Variants in WWP2 observed in about 807,000 individuals in gnomAD.
The protein encoded by WWP2 is WW domain containing E3 ubiquitin protein ligase 2, also known as NEDD4-like E3 ubiquitin-protein ligase WWP2.
A neutral mutation model predicts 121.0 loss-of-function variants in WWP2; 57 were observed. The observed-to-expected ratio is 0.47, with a 90% CI of 0.38 to 0.59. The LOEUF is 0.59. WWP2 is among the 20% of genes least tolerant of loss of function. The pLI is 0.00. For synonymous variants in WWP2, 449 were observed against 441.3 expected, an observed-to-expected ratio of 1.02 and a Z score of -0.22; for missense variants, 962 against 1,158.9, an observed-to-expected ratio of 0.83 and a Z score of 2.47.
intron 8 of WWP2, among the ~76,000 whole-genome samples, chr16:69,904,719 GTAAA>G (rs985404540): frequency 1.3e-5 from 2 of 152,052 alleles, no homozygotes; most frequent in Non-Finnish European, 2.9e-5. Flanking sequence ...TGCCCTTTTG[GTAAA>G]ATACTAAATG....
intron 4 of WWP2, among the ~76,000 whole-genome samples, chr16:69,819,746 A>G (rs189259023): frequency 6.6e-5 from 10 of 152,260 alleles, no homozygotes; most frequent in Non-Finnish European, 1.5e-4. Context: ...GGATTTTAAA[A>G]TGATTTTTAA....
At chr16:69,792,358 T>C (rs2055931151) in intron 2 of WWP2, among the ~76,000 whole-genome samples, 1 of 152,180 alleles carries the variant, frequency 6.6e-6, no homozygotes, top group Non-Finnish European at 1.5e-5. Context: ...GGTCCCTTCT[T>C]AAGAGCTTTT....
intron 1 of WWP2, among the ~76,000 whole-genome samples, chr16:69,778,265 C>G (rs762289415): frequency 6.7e-6 from 1 of 149,372 alleles, no homozygotes; most frequent in East Asian, 2.0e-4. Context: ...TTTCCCATCC[C>G]CCTCCCAATA....
At chr16:69,899,489 C>T (rs1031818386) in intron 8 of WWP2, among the ~76,000 whole-genome samples, 6 of 151,850 alleles carry the variant, frequency 4.0e-5, no homozygotes, top group South Asian at 2.1e-4. Context: ...CAGCACTTCG[C>T]GAGGCCGAGG....
intron 6 of WWP2, among the ~76,000 whole-genome samples, chr16:69,860,846 A>G (rs1430567954): frequency 6.6e-6 from 1 of 150,996 alleles, no homozygotes; most frequent in Non-Finnish European, 1.5e-5. Flanking sequence ...TAGTTAAAAA[A>G]AAAAAAAGGA....
chr16:69,931,081 G>A (rs2058703602), intron 13 of WWP2, 71 bp from the exon 14 acceptor site: 1 of 1,485,740 alleles, frequency 6.7e-7, no homozygotes, highest in Non-Finnish European at 9.4e-7. Context: ...GCTTTCCTTA[G>A]GGCTGACAAA....
At chr16:69,785,130 G>C (rs1400599095) in intron 1 of WWP2, among the ~76,000 whole-genome samples, 1 of 151,786 alleles carries the variant, frequency 6.6e-6, no homozygotes, top group East Asian at 1.9e-4. Context: ...CTACCCATGA[G>C]GCTGAGGCAC....
chr16:69,817,659 CTTT>C (rs200998762), intron 4 of WWP2, among the ~76,000 whole-genome samples: 3 of 119,952 alleles, frequency 2.5e-5, no homozygotes, highest in Non-Finnish European at 5.3e-5. Context: ...TTGTTAAACT[CTTT>C]TTTTTTTTTT....
chr16:69,931,608 G>A (rs1463293666), intron 15 of WWP2, 28 bp downstream of exon 15: 4 of 1,613,644 alleles, frequency 2.5e-6, no homozygotes, highest in African/African-American at 1.3e-5. Flanking sequence ...GAAACCAGTG[G>A]CAGGCCGACG....
chr16:69,932,458 C>T (rs1267643981), intron 16 of WWP2, among the ~76,000 whole-genome samples: 2 of 152,250 alleles, frequency 1.3e-5, no homozygotes, highest in Non-Finnish European at 2.9e-5. Context: ...CATGAGGCGA[C>T]GGAGGACTCC....
chr16:69,879,184 C>G (rs1161453752), intron 7 of WWP2, among the ~76,000 whole-genome samples: 1 of 151,990 alleles, frequency 6.6e-6, no homozygotes, highest in East Asian at 1.9e-4. Flanking sequence ...TTAGTATATT[C>G]TAGGTACAAT....
In WWP2 at chr16:69,933,327, G is replaced by A. The variant is rs1387516486; in HGVS notation, c.1683-643G>A. The A allele has an allele frequency of 5.6e-5, 20 of 355,416 alleles. 1 individual carries two copies. Among genetic ancestry groups the A allele is most frequent in the Non-Finnish European group, 2.2e-5 (4 of 177,960 alleles). 22.0% of individuals were successfully genotyped at this position (355,416 alleles called of 1,614,324 possible). On this transcript the variant is annotated intron_variant, in intron 16 of 23. Coordinates refer to ENST00000359154, the MANE Select transcript of WWP2 (RefSeq NM_001270454.2). ...TGAGGCTCGCACCCAGGGCACGGGT[G>A]TTGGTTCAGATGAATGCGTGGAAGT...
chr16:69,794,812 C>T (rs1486354734), intron 2 of WWP2, among the ~76,000 whole-genome samples: 1 of 152,056 alleles, frequency 6.6e-6, no homozygotes, highest in Non-Finnish European at 1.5e-5. Context: ...AAATCATTGC[C>T]ATGGAAAAGA....
At chr16:69,900,945 G>C (rs1040858649) in intron 8 of WWP2, among the ~76,000 whole-genome samples, 2 of 152,112 alleles carry the variant, frequency 1.3e-5, no homozygotes, top group Admixed American at 1.3e-4. Flanking sequence ...TAAAGTGCTG[G>C]TTGTTGAGTT....
chr16:69,940,030 G>T lies in WWP2; in HGVS notation c.*90G>T. ...CCACTGGCCCCGCAGCCCTTGGGAG[G>T]CCCCCGTGGATGTGGCCCTGTGTGG... On this transcript the variant is annotated 3_prime_UTR_variant, in exon 24 of 24. Transcript: ENST00000359154. The T allele has an allele frequency of 1.8e-6, 2 of 1,094,176 alleles. No individual in the cohort carries two copies. Among genetic ancestry groups the T allele is most frequent in the Non-Finnish European group, 2.6e-6 (2 of 757,190 alleles). 67.8% of individuals were successfully genotyped at this position (1,094,176 alleles called of 1,614,324 possible). A position where few individuals can be genotyped will look rare whatever the true frequency, so the allele number is the denominator to read the frequency against.
intron 4 of WWP2, among the ~76,000 whole-genome samples, chr16:69,832,642 A>T (rs991547159): frequency 6.6e-6 from 1 of 152,184 alleles, no homozygotes; most frequent in African/African-American, 2.4e-5. Flanking sequence ...TCCTGGGTTC[A>T]AGTGATTCTT....
chr16:69,939,838 T>G lies in WWP2; in HGVS notation c.2514-3T>G. On this transcript the variant is annotated splice_polypyrimidine_tract_variant and splice_region_variant and intron_variant, in intron 23 of 23. Coordinates refer to ENST00000359154, the MANE Select transcript of WWP2 (RefSeq NM_001270454.2). ...GACTGTCGTGCTTCCCCACTCTCAA[T>G]AGCTTCAACCGTCTGGATCTTCCAC... 1 of 1,612,876 alleles carries G rather than the reference T, an allele frequency of 6.2e-7. No individual in the cohort carries two copies. Among genetic ancestry groups the G allele is most frequent in the Non-Finnish European group, 8.5e-7 (1 of 1,179,496 alleles).
intron 1 of WWP2, among the ~76,000 whole-genome samples, chr16:69,780,209 A>C (rs901939968): frequency 1.3e-5 from 2 of 150,144 alleles, no homozygotes; most frequent in Non-Finnish European, 2.9e-5. Context: ...TGTTTTGTGT[A>C]AGTTCAAGTG....
intron 1 of WWP2, among the ~76,000 whole-genome samples, chr16:69,778,867 C>T (rs915990772): frequency 3.3e-5 from 5 of 151,536 alleles, no homozygotes; most frequent in African/African-American, 9.7e-5. Context: ...TCTTGAACTC[C>T]TGCCCTCAAG....
Sources: allele counts gnomAD v4.1 joint callset (sites outside exome capture counted in the v4.1 genomes callset), GRCh38; gene constraint gnomAD v4.1.1; transcripts MANE v1.5; gene names NCBI Gene and HGNC (gene_info 2026-07-23, HGNC 2026-07-21).